The following CRACR2A variants were observed in gnomAD, a reference collection of about 807,000 sequenced individuals.
CRACR2A encodes the protein calcium release activated channel regulator 2A.
In CRACR2A, 79 loss-of-function variants were observed where a neutral mutation model predicts 90.5. That is an observed-to-expected ratio of 0.87 (90% CI 0.73 to 1.05). CRACR2A has a LOEUF of 1.05. CRACR2A is among the 50% of genes least tolerant of loss of function. The pLI, the probability that CRACR2A is intolerant of heterozygous loss-of-function variation, is 0.00. For synonymous variants in CRACR2A, 338 were observed against 356.7 expected, an observed-to-expected ratio of 0.95 and a Z score of 0.59; for missense variants, 823 against 897.2, an observed-to-expected ratio of 0.92 and a Z score of 1.06.
intron 2 of CRACR2A, among the ~76,000 whole-genome samples, chr12:3,722,134 T>C (rs1946189790): frequency 6.6e-6 from 1 of 152,228 alleles, no homozygotes; most frequent in South Asian, 2.1e-4. Context: ...TTATTCATTC[T>C]GTAACCATAC....
intron 1 of CRACR2A, among the ~76,000 whole-genome samples, chr12:3,737,017 T>C (rs1453923683): frequency 6.6e-6 from 1 of 152,160 alleles, no homozygotes; most frequent in Non-Finnish European, 1.5e-5. Flanking sequence ...CCTTACCAAG[T>C]AGTGGACAGG....
At chr12:3,622,194 C>T (rs936977406) in intron 17 of CRACR2A, among the ~76,000 whole-genome samples, 1 of 152,230 alleles carries the variant, frequency 6.6e-6, no homozygotes, top group Non-Finnish European at 1.5e-5. Context: ...GTGAACAGGT[C>T]TCAGGTCTAC....
intron 3 of CRACR2A, among the ~76,000 whole-genome samples, chr12:3,710,621 C>G (rs374118669): frequency 1.3e-5 from 2 of 151,776 alleles, no homozygotes; most frequent in African/African-American, 4.8e-5. Flanking sequence ...GGTGAAACCC[C>G]GTCTCTACTA....
chr12:3,643,960 C>G (rs1944636371), intron 12 of CRACR2A, among the ~76,000 whole-genome samples: 1 of 127,998 alleles, frequency 7.8e-6, no homozygotes, highest in African/African-American at 2.9e-5. Context: ...TTGGGGTTCA[C>G]AGCTGGGAAT....
intron 19 of CRACR2A, among the ~76,000 whole-genome samples, chr12:3,616,445 T>G (rs140319992): frequency 9.8e-5 from 15 of 152,356 alleles, no homozygotes; most frequent in African/African-American, 3.4e-4. Context: ...ACCAGTCTTT[T>G]CATGCTACCA....
At chr12:3,643,861 T>TAAATATATATAATATA (rs376983967) in intron 12 of CRACR2A, among the ~76,000 whole-genome samples, 1 of 41,264 alleles carries the variant, frequency 2.4e-5, no homozygotes, top group Non-Finnish European at 4.5e-5. Flanking sequence ...TATATTTATA[T>TAAATATATATAATATA]TATATATATT....
At chr12:3,703,316 A>T (rs1945863115) in intron 3 of CRACR2A, among the ~76,000 whole-genome samples, 1 of 152,176 alleles carries the variant, frequency 6.6e-6, no homozygotes, top group Non-Finnish European at 1.5e-5. Flanking sequence ...TGATCTCCTG[A>T]CTTCATGATC....
Position 3,615,358 on chromosome 12 carries a change from G to A in CRACR2A, c.2193C>T (p.Gly731=). The change falls in exon 20 of 20, where the codon GGC becomes GGT. Residue 731 remains glycine, a synonymous_variant. Transcript: ENST00000440314. ...GHPAKKKSCC[G] ...GGGCAGTCCTTGTAGGACCCTATCA[G>A]CCACAGCAGGATTTCTTCTTAGCAG... 1 of 1,551,566 alleles carries A rather than the reference G, an allele frequency of 6.4e-7. No homozygotes were observed. Among genetic ancestry groups the A allele is most frequent in the East Asian group, 2.4e-5 (1 of 40,910 alleles).
At chr12:3,621,105 T>C (rs1453191371) in intron 17 of CRACR2A, among the ~76,000 whole-genome samples, 1 of 152,176 alleles carries the variant, frequency 6.6e-6, no homozygotes, top group African/African-American at 2.4e-5. Flanking sequence ...GAGAGATATT[T>C]GTAGATTTAT....
chr12:3,649,080 T>A lies in CRACR2A; in HGVS notation c.1047-467A>T, dbSNP rs544911693. On this transcript the variant is annotated intron_variant, in intron 10 of 19. Coordinates refer to ENST00000440314, the MANE Select transcript of CRACR2A (RefSeq NM_001144958.2). ...GAACATCACACACCAGGGACTGTTG[T>A]GGGGTGGGGGAAGGGGGGAGGGATA... Among the ~76,000 whole-genome samples the A allele has an allele frequency of 1.4e-3, 213 of 149,252 alleles. 1 individual carries two copies. The highest frequency in any genetic ancestry group is 5.1e-3 in the African/African-American group (207 of 40,332).
Position 3,734,010 on chromosome 12 carries a change from G to A in CRACR2A, c.-386-800C>T, listed in dbSNP as rs1326970908. On this transcript the variant is annotated intron_variant, in intron 1 of 19. Transcript: ENST00000440314. ...TTTTGAGATGGAGTCTCGCTCTGTC[G>A]CCCAGGCTGGAGTGCAGTGGCATGA... is the stretch of plus-strand genomic sequence containing the variant. Among the ~76,000 whole-genome samples, 6 of 127,768 alleles carry A rather than the reference G, an allele frequency of 4.7e-5. No individual in the cohort carries two copies. The South Asian group carries it at 1.0e-3, about 22-fold the overall frequency. 83.8% of individuals were successfully genotyped at this position (127,768 alleles called of 152,430 possible). A position where few individuals can be genotyped will look rare whatever the true frequency, so the allele number is the denominator to read the frequency against.
At chr12:3,641,633 G>T in intron 13 of CRACR2A, 99 bp downstream of exon 13, 4 of 1,027,484 alleles carry the variant, frequency 3.9e-6, no homozygotes, top group Non-Finnish European at 5.8e-6. Flanking sequence ...CTCAGTTTCC[G>T]CACCTCTCAA....
intron 3 of CRACR2A, among the ~76,000 whole-genome samples, chr12:3,704,342 T>C (rs1017587301): frequency 3.9e-5 from 6 of 152,106 alleles, no homozygotes; most frequent in African/African-American, 1.4e-4. Flanking sequence ...TGAAAACATT[T>C]GTTAGAAGAA....
chr12:3,735,861 C>T (rs571146416), intron 1 of CRACR2A, among the ~76,000 whole-genome samples: 19 of 152,172 alleles, frequency 1.2e-4, no homozygotes, highest in Non-Finnish European at 2.4e-4. Flanking sequence ...GCCACGTTTT[C>T]ACAGCAGGCC....
intron 3 of CRACR2A, among the ~76,000 whole-genome samples, chr12:3,708,516 C>T (rs1945963212): frequency 2.0e-5 from 3 of 152,198 alleles, no homozygotes; most frequent in Admixed American, 2.0e-4. Flanking sequence ...GCTCCGCCTC[C>T]CGGGTTCGCG....
intron 2 of CRACR2A, among the ~76,000 whole-genome samples, chr12:3,723,140 G>C (rs565394525): frequency 1.3e-5 from 2 of 152,166 alleles, no homozygotes; most frequent in African/African-American, 2.4e-5. Flanking sequence ...CCTTGAGCCC[G>C]GGGACTATCT....
chr12:3,714,579 T>A, intron 2 of CRACR2A, among the ~76,000 whole-genome samples: 1 of 152,206 alleles, frequency 6.6e-6, no homozygotes, highest in Admixed American at 6.5e-5. Context: ...AGAAAAAAAT[T>A]GTTTAGACTA....
intron 8 of CRACR2A, among the ~76,000 whole-genome samples, chr12:3,658,898 C>T (rs1944968834): frequency 1.3e-5 from 2 of 152,154 alleles, no homozygotes; most frequent in South Asian, 4.2e-4. Flanking sequence ...AGGATTTCGC[C>T]AATCCTGACC....
chr12:3,750,156 G>A (rs1229916015), intron 1 of CRACR2A, among the ~76,000 whole-genome samples: 1 of 151,768 alleles, frequency 6.6e-6, no homozygotes, highest in Non-Finnish European at 1.5e-5. Context: ...GGCTGGTCTC[G>A]AACTTCTGAC....
Sources: gnomAD v4.1 joint callset for allele counts (sites outside exome capture counted in the v4.1 genomes callset) on GRCh38, gnomAD v4.1.1 for gene constraint, MANE v1.5 for transcripts, NCBI Gene and HGNC (gene_info 2026-07-23, HGNC 2026-07-21) for gene names.